The following PIWIL1 variants were observed in gnomAD, a reference collection of about 807,000 sequenced individuals.
PIWIL1 encodes the protein piwi like RNA-mediated gene silencing 1.
A neutral mutation model predicts 114.4 loss-of-function variants in PIWIL1; 73 were observed. The ratio of observed to expected loss-of-function variants is 0.64; its 90% CI spans 0.53 to 0.78. The LOEUF (loss-of-function observed/expected upper bound fraction) is 0.78. Among genes scored for constraint, PIWIL1 ranks in the 30% least tolerant of loss-of-function variants. PIWIL1 has a pLI of 0.00. For missense variants in PIWIL1, 723 were observed against 1,063.1 expected (o/e 0.68, Z 4.45); for synonymous variants, 375 against 369.0 (o/e 1.02, Z -0.19).
At position 130,351,921 on chromosome 12, in the gene PIWIL1, G is replaced by C. The variant is rs148805942; in HGVS notation, c.1044+1954G>C. ...GAAGTGATGTGGCACCCGTGGCCCTGTGTCTGGTGAAGTGTGGTGATCTTT... is the reference window on the plus strand; with the variant it reads ...GAAGTGATGTGGCACCCGTGGCCCTCTGTCTGGTGAAGTGTGGTGATCTTT... On this transcript the variant is annotated intron_variant, in intron 9 of 20. Transcript: ENST00000245255. 6.8e-4 allele frequency among the ~76,000 whole-genome samples: 104 copies of C among 152,224 alleles called. No homozygotes were observed. In the Middle Eastern group the frequency reaches 0.01, roughly 15 times the overall value.
chr12:130,388,050 C>G, the PIWIL1 span, among the ~76,000 whole-genome samples: 1 of 152,198 alleles, frequency 6.6e-6, no homozygotes, highest in South Asian at 2.1e-4. Flanking sequence ...AACAATTTCC[C>G]TTTTCTCCAT....
chr12:130,383,723 T>C, the PIWIL1 span: 1 of 152,202 alleles, frequency 6.6e-6, no homozygotes, highest in African/African-American at 2.4e-5. Context: ...GGTTTTCAAA[T>C]TTTACGTAAT....
At chr12:130,367,318 G>T in intron 19 of PIWIL1, 60 bp downstream of exon 19, 1 of 1,511,530 alleles carries the variant, frequency 6.6e-7, no homozygotes, top group African/African-American at 1.4e-5. Flanking sequence ...TCTTTAGCAT[G>T]GCCCCTATGC....
chr12:130,340,633 G>A (rs200147117), intron 1 of PIWIL1, among the ~76,000 whole-genome samples: 1 of 46,802 alleles, frequency 2.1e-5, no homozygotes. Context: ...GGTGGTGGTT[G>A]GGGGAGGGGG....
At chr12:130,411,548 T>C in the PIWIL1 span, among the ~76,000 whole-genome samples, 2 of 108,644 alleles carry the variant, frequency 1.8e-5, no homozygotes, top group East Asian at 9.0e-4. Context: ...TTTAGAAAAA[T>C]AGCATAAAAA....
chr12:130,345,963 T>C, intron 4 of PIWIL1, 85 bp downstream of exon 4: 1 of 1,454,530 alleles, frequency 6.9e-7, no homozygotes, highest in East Asian at 2.3e-5. Flanking sequence ...TAGGTGTTTA[T>C]TTGGCCAAGG....
the PIWIL1 span, among the ~76,000 whole-genome samples, chr12:130,383,071 C>A: frequency 6.6e-6 from 1 of 152,156 alleles, no homozygotes; most frequent in African/African-American, 2.4e-5. Flanking sequence ...GACTGTGCAG[C>A]TTTTATATAT....
At chr12:130,359,637 G>T (rs1229293662) in intron 14 of PIWIL1, among the ~76,000 whole-genome samples, 6 of 152,192 alleles carry the variant, frequency 3.9e-5, no homozygotes, top group Non-Finnish European at 1.5e-5. Context: ...TTTTAGCAGA[G>T]TTGGTTGGTT....
At chr12:130,399,648 G>A in the PIWIL1 span, 30 of 1,612,514 alleles carry the variant, frequency 1.9e-5, no homozygotes, top group Non-Finnish European at 2.5e-5. Flanking sequence ...GAACGGGACA[G>A]AGATTAAAAA....
At chr12:130,407,852 A>C in the PIWIL1 span, 3 of 1,596,672 alleles carry the variant, frequency 1.9e-6, no homozygotes, top group Non-Finnish European at 2.6e-6. Flanking sequence ...CAAGGGGGAA[A>C]GAAATCCATC....
At chr12:130,407,074 T>C in the PIWIL1 span, among the ~76,000 whole-genome samples, 1 of 152,206 alleles carries the variant, frequency 6.6e-6, no homozygotes, top group South Asian at 2.1e-4. Flanking sequence ...CAGCAGAACA[T>C]GGAAGCAGAA....
chr12:130,346,654 C>T (rs75970469), intron 5 of PIWIL1, 70 bp downstream of exon 5: 9 of 1,313,264 alleles, frequency 6.9e-6, no homozygotes, highest in Non-Finnish European at 9.8e-6. Context: ...AGATAGCTCA[C>T]ATGGCTTTTA....
At chr12:130,363,640 T>G (rs960477649) in intron 18 of PIWIL1, among the ~76,000 whole-genome samples, 2 of 101,516 alleles carry the variant, frequency 2.0e-5, no homozygotes, top group Middle Eastern at 5.9e-3. Flanking sequence ...TTTTTTGAGA[T>G]GGAGTCTCGC....
the PIWIL1 span, chr12:130,412,689 A>G: frequency 1.9e-6 from 3 of 1,613,760 alleles, no homozygotes; most frequent in Non-Finnish European, 1.7e-6. Flanking sequence ...TCTCCTCATC[A>G]TCTGCTTGTA....
the PIWIL1 span, among the ~76,000 whole-genome samples, chr12:130,400,899 T>TATC: frequency 6.6e-6 from 1 of 152,256 alleles, no homozygotes; most frequent in African/African-American, 2.4e-5. Flanking sequence ...CTCACACTAC[T>TATC]ATCAAAAACA....
chr12:130,370,390 T>A (rs1401964981), intron 19 of PIWIL1, among the ~76,000 whole-genome samples: 1 of 152,216 alleles, frequency 6.6e-6, no homozygotes. Context: ...GCAGACTTTT[T>A]CTTGTCATTA....
the PIWIL1 span, chr12:130,424,604 C>A: frequency 8.1e-7 from 1 of 1,231,932 alleles, no homozygotes; most frequent in Non-Finnish European, 1.0e-6. This position sits in a 1 kb window ranked among gnomAD's most constrained non-coding sequence, Gnocchi z 9.8. Context: ...CCCCCGAGCC[C>A]CTGTGCTTCA....
the PIWIL1 span, among the ~76,000 whole-genome samples, chr12:130,393,439 G>T: frequency 6.6e-6 from 1 of 151,474 alleles, no homozygotes; most frequent in African/African-American, 2.4e-5. Flanking sequence ...ACTGAATGTT[G>T]TGATGACCCG....
At chr12:130,417,865 G>GT in the PIWIL1 span, among the ~76,000 whole-genome samples, 1 of 93,186 alleles carries the variant, frequency 1.1e-5, no homozygotes. Context: ...GAGAGAGAAT[G>GT]GGAGGGGAGA....
Sources: allele counts gnomAD v4.1 joint callset (sites outside exome capture counted in the v4.1 genomes callset), GRCh38; gene constraint gnomAD v4.1.1; non-coding constraint Gnocchi (gnomAD v3.1); transcripts MANE v1.5; gene names NCBI Gene and HGNC (gene_info 2026-07-23, HGNC 2026-07-21).